KHDRBS2: variants seen among roughly 807,000 people sequenced by gnomAD.
KHDRBS2 encodes KH RNA binding domain containing, signal transduction associated 2.
Under a neutral mutation model 44.3 loss-of-function variants are expected in KHDRBS2, and 26 were observed. The observed-to-expected ratio is 0.59, with a 90% CI of 0.43 to 0.81. KHDRBS2 has a LOEUF of 0.81. Among genes scored for constraint, KHDRBS2 ranks in the 40% least tolerant of loss-of-function variants. The pLI is 0.00. For synonymous variants in KHDRBS2, 194 were observed against 151.1 expected (o/e 1.28, Z -2.08); for missense variants, 476 against 433.1 (o/e 1.10, Z -0.88).
At chr6:62,241,327 C>G (rs545021695) in intron 1 of KHDRBS2, among the ~76,000 whole-genome samples, 3 of 152,126 alleles carry the variant, frequency 2.0e-5, no homozygotes, top group African/African-American at 7.2e-5. Flanking sequence ...CAATAACTGT[C>G]TTTTTACTCT....
chr6:62,016,602 G>A (rs541096366), intron 3 of KHDRBS2, among the ~76,000 whole-genome samples: 1 of 148,376 alleles, frequency 6.7e-6, no homozygotes, highest in South Asian at 2.1e-4. Flanking sequence ...ATAATATGTA[G>A]TACACATAGG....
chr6:61,897,458 A>G, intron 5 of KHDRBS2, among the ~76,000 whole-genome samples: 1 of 152,164 alleles, frequency 6.6e-6, no homozygotes, highest in East Asian at 1.9e-4. Context: ...TATATTCTTC[A>G]TTTAATTTGA....
At chr6:61,711,254 G>T (rs887929250) in intron 7 of KHDRBS2, among the ~76,000 whole-genome samples, 3 of 151,318 alleles carry the variant, frequency 2.0e-5, no homozygotes, top group Non-Finnish European at 4.4e-5. Context: ...TCAATTTAAG[G>T]GTTGCTACTA....
rs1562513859 is a variant in KHDRBS2, at chr6:61,954,851, C to CACATACAT, written c.483+23214_483+23215insATGTATGT. On this transcript the variant is annotated intron_variant, in intron 4 of 8. Coordinates refer to ENST00000281156, the MANE Select transcript of KHDRBS2 (RefSeq NM_152688.4). ...ACATGCATATGTATGTATACATATGCATGTGTATATACACATACATATGTG... is the reference window on the plus strand; with the variant it reads ...ACATGCATATGTATGTATACATATGCACATACATATGTGTATATACACATACATATGTG... Among the ~76,000 whole-genome samples, 52 of 39,232 alleles carry CACATACAT rather than the reference C, an allele frequency of 1.3e-3. 6 individuals carry two copies. Among genetic ancestry groups the CACATACAT allele is most frequent in the African/African-American group, 5.6e-3 (43 of 7,724 alleles). The allele number at this position is 39,232 out of a possible 152,430, so 25.7% of individuals were successfully genotyped here.
intron 6 of KHDRBS2, among the ~76,000 whole-genome samples, chr6:61,889,244 A>G (rs1423724496): frequency 2.6e-5 from 4 of 152,164 alleles, no homozygotes; most frequent in African/African-American, 7.2e-5. Flanking sequence ...TTCCCATTAT[A>G]TAGAAGAGAT....
At chr6:62,113,839 G>C (rs1805585880) in intron 2 of KHDRBS2, among the ~76,000 whole-genome samples, 1 of 152,036 alleles carries the variant, frequency 6.6e-6, no homozygotes, top group Admixed American at 6.6e-5. Flanking sequence ...CTCAGGAGCT[G>C]ACAAGATGGC....
At chr6:61,830,823 G>A (rs1483758151) in intron 6 of KHDRBS2, among the ~76,000 whole-genome samples, 1 of 152,146 alleles carries the variant, frequency 6.6e-6, no homozygotes, top group Non-Finnish European at 1.5e-5. Flanking sequence ...TATTAGTCAT[G>A]ATAATAAAGT....
intron 4 of KHDRBS2, among the ~76,000 whole-genome samples, chr6:61,951,583 G>A (rs1240474543): frequency 6.6e-6 from 1 of 151,976 alleles, no homozygotes; most frequent in African/African-American, 2.4e-5. Context: ...ATGCTAACAT[G>A]TGTGATTGCT....
intron 3 of KHDRBS2, among the ~76,000 whole-genome samples, chr6:62,039,255 A>AACACAC (rs142933011): frequency 0.11 from 16,540 of 145,698 alleles, 977 homozygotes; most frequent in Non-Finnish European, 0.13. Flanking sequence ...TACACAGGCA[A>AACACAC]ACACACACAC....
the KHDRBS2 span, among the ~76,000 whole-genome samples, chr6:61,664,294 CTT>C: frequency 1.3e-5 from 2 of 151,692 alleles, no homozygotes; most frequent in African/African-American, 4.8e-5. Flanking sequence ...GAAAAAATGA[CTT>C]CTGAATTTTG....
At chr6:61,986,801 T>C (rs143975985) in intron 3 of KHDRBS2, among the ~76,000 whole-genome samples, 29 of 152,264 alleles carry the variant, frequency 1.9e-4, no homozygotes, top group Non-Finnish European at 3.8e-4. Context: ...CTGGCACCTC[T>C]TCTTACAAGG....
chr6:62,144,010 A>G (rs1344968669), intron 2 of KHDRBS2, among the ~76,000 whole-genome samples: 1 of 151,948 alleles, frequency 6.6e-6, no homozygotes, highest in Non-Finnish European at 1.5e-5. Flanking sequence ...ATCTCATCTA[A>G]GCCAGTGATA....
the KHDRBS2 span, chr6:61,574,429 A>T: frequency 1.3e-6 from 2 of 1,490,466 alleles, no homozygotes; most frequent in Non-Finnish European, 1.8e-6. Context: ...GACCATATGG[A>T]GCTTCAATTT....
At chr6:61,818,434 A>G (rs1228052693) in intron 6 of KHDRBS2, among the ~76,000 whole-genome samples, 1 of 151,996 alleles carries the variant, frequency 6.6e-6, no homozygotes, top group Non-Finnish European at 1.5e-5. Flanking sequence ...ATGCTAAAAA[A>G]TTGGGAGTGT....
intron 1 of KHDRBS2, among the ~76,000 whole-genome samples, chr6:62,253,885 A>AT (rs1306136135): frequency 1.3e-5 from 2 of 151,984 alleles, no homozygotes; most frequent in South Asian, 2.1e-4. Context: ...AGTGGAGAAT[A>AT]TTTTTTCTGC....
chr6:61,807,292 C>T (rs757680136), intron 6 of KHDRBS2, among the ~76,000 whole-genome samples: 1 of 152,050 alleles, frequency 6.6e-6, no homozygotes, highest in Non-Finnish European at 1.5e-5. Context: ...TAAAGAATTA[C>T]CATTTGGCCC....
intron 1 of KHDRBS2, among the ~76,000 whole-genome samples, chr6:62,252,899 A>G (rs1194255622): frequency 6.6e-6 from 1 of 151,992 alleles, no homozygotes; most frequent in Non-Finnish European, 1.5e-5. Context: ...AAAACCCACA[A>G]AATAGAAACT....
the KHDRBS2 span, chr6:61,659,090 T>G: frequency 1.3e-5 from 2 of 151,876 alleles, no homozygotes; most frequent in Non-Finnish European, 2.9e-5. Context: ...ACAGATGATC[T>G]CTCTAGCATA....
rs78789423 is a variant in KHDRBS2, at chr6:61,695,940, A to G, written c.952+1255T>C. Among the ~76,000 whole-genome samples, 27 of 152,182 alleles carry G rather than the reference A, an allele frequency of 1.8e-4. 1 individual carries two copies. In the East Asian group the frequency reaches 5.0e-3, roughly 28 times the overall value. On this transcript the variant is annotated intron_variant, in intron 8 of 8. Transcript: ENST00000281156. ...TTGTTTCCTTTTCTCTTCCCCACAG[A>G]GAGGAATAAAGTGAACATGGTATTA... is the stretch of plus-strand genomic sequence containing the variant.
Sources: allele counts gnomAD v4.1 joint callset (sites outside exome capture counted in the v4.1 genomes callset), GRCh38; gene constraint gnomAD v4.1.1; transcripts MANE v1.5; gene names NCBI Gene and HGNC (gene_info 2026-07-23, HGNC 2026-07-21).